Variants in TASOR2 observed in about 807,000 individuals in gnomAD.
TASOR2 encodes protein TASOR 2.
In TASOR2, 84 loss-of-function variants were observed where a neutral mutation model predicts 199.5. The observed-to-expected ratio is 0.42, with a 90% confidence interval of 0.35 to 0.50. The LOEUF is 0.50. TASOR2 is among the 20% of genes least tolerant of loss of function. The pLI, the probability that TASOR2 is intolerant of heterozygous loss-of-function variation, is 0.02. For synonymous variants in TASOR2, 1,103 were observed against 1,046.6 expected (o/e 1.05, Z -1.04); for missense variants, 2,796 against 2,835.9 (o/e 0.99, Z 0.32).
In TASOR2 at chr10:5,741,027, C is replaced by T. The variant is rs145404728; in HGVS notation, c.2327+530C>T. Among the ~76,000 whole-genome samples the T allele has an allele frequency of 1.6e-3, 240 of 152,244 alleles. 4 individuals carry two copies. The East Asian group carries it at 0.026, about 17-fold the overall frequency. ...GTGTAGACTAACCTAGATTTGAACC[C>T]GGGTTCTTTCCCTTTCTTACCTCCT... is the stretch of plus-strand genomic sequence containing the variant. On this transcript the variant is annotated intron_variant, in intron 13 of 20. Transcript: ENST00000328090.
chr10:5,748,238 A>G lies in TASOR2; in HGVS notation c.4817A>G (p.Lys1606Arg), dbSNP rs762969413. 8.1e-6 allele frequency: 13 copies of G among 1,614,102 alleles called. No homozygotes were observed. In the Admixed American group the frequency reaches 1.3e-4, roughly 17 times the overall value. Residue 1606 changes from lysine (K) to arginine (R), a missense_variant, in exon 15 of 21, where the codon AAA (lysine) becomes AGA (arginine). Transcript: ENST00000328090. This position sits in a 1 kb window ranked among gnomAD's most constrained non-coding sequence, Gnocchi z 5.1. Reference sequence around the variant, plus strand: ...AGTGGTATAGTGAATGTGTCAGTAAAACAGCAGACTAGCCCTAAAAGCAGT... The same window carrying G: ...AGTGGTATAGTGAATGTGTCAGTAAGACAGCAGACTAGCCCTAAAAGCAGT...
At position 5,762,516 on chromosome 10, in the gene TASOR2, T is replaced by G. The variant is rs767581748; in HGVS notation, c.7175-16T>G. ...AATTATATTAACCAAAAGTTGTTTT[T>G]TTTTTTTTTTAACAGACAAGCCTAC... On this transcript the variant is annotated splice_polypyrimidine_tract_variant and intron_variant, in intron 19 of 20. Transcript: ENST00000328090. 6 of 603,324 alleles carry G rather than the reference T, an allele frequency of 9.9e-6. 1 individual carries two copies. The highest frequency in any genetic ancestry group is 3.5e-5 in the South Asian group (1 of 28,736). 37.4% of individuals were successfully genotyped at this position (603,324 alleles called of 1,614,324 possible). A position where few individuals can be genotyped will look rare whatever the true frequency, so the allele number is the denominator to read the frequency against.
rs189079362 is a variant in TASOR2, at chr10:5,742,276, G to A, written c.2507G>A (p.Arg836His). The A allele has an allele frequency of 2.9e-5, 47 of 1,614,206 alleles. No individual in the cohort carries two copies. In the Admixed American group the frequency reaches 5.0e-4, roughly 17 times the overall value. The stretch of plus-strand genomic sequence containing the variant: ...AGCACGTTAGAATCTTGTGAGCTCC[G>A]TGAAATTGAGGAGTCCCTTGGTTTG... Residue 836 changes from arginine to histidine, a missense_variant, in exon 14 of 21, where the codon CGT becomes CAT. Coordinates refer to ENST00000328090, the Ensembl canonical transcript of TASOR2. This position sits in a 1 kb window ranked among gnomAD's most constrained non-coding sequence, Gnocchi z 4.2.
intron 7 of TASOR2, among the ~76,000 whole-genome samples, 189 bp from the exon 9 acceptor site, chr10:5,724,241 C>A (rs1833743760): frequency 6.6e-6 from 1 of 152,048 alleles, no homozygotes; most frequent in Non-Finnish European, 1.5e-5. Context: ...TAAATAAGAG[C>A]ATTGTTTTAA....
intron 1 of TASOR2, among the ~76,000 whole-genome samples, chr10:5,693,703 A>G (rs1836779289): frequency 6.6e-6 from 1 of 152,244 alleles, no homozygotes; most frequent in African/African-American, 2.4e-5. Context: ...CTTTTTTCCA[A>G]AGTGGAAATA....
In TASOR2 at chr10:5,698,626, C is replaced by T. The variant is rs920341092; in HGVS notation, c.-288+13451C>T. Among the ~76,000 whole-genome samples, 3 of 152,080 alleles carry T rather than the reference C, an allele frequency of 2.0e-5. No homozygotes were observed. The highest frequency in any genetic ancestry group is 4.4e-5 in the Non-Finnish European group (3 of 68,004). ...CATTTTCTATGGCTGTTTTTATGCTCTACCGGTAGAGATGAGTAGTTGTGA... is the reference window on the plus strand; with the variant it reads ...CATTTTCTATGGCTGTTTTTATGCTTTACCGGTAGAGATGAGTAGTTGTGA... On this transcript the variant is annotated intron_variant, in intron 1 of 20. Coordinates refer to ENST00000328090, the Ensembl canonical transcript of TASOR2. This position sits in a 1 kb window ranked among gnomAD's most constrained non-coding sequence, Gnocchi z 4.4.
At chr10:5,744,528 C>T (rs188712757) in intron 14 of TASOR2, among the ~76,000 whole-genome samples, 1 of 151,818 alleles carries the variant, frequency 6.6e-6, no homozygotes, top group Non-Finnish European at 1.5e-5. Flanking sequence ...GTCTATAACT[C>T]CTAACCTTAG....
rs762342715 is a variant in TASOR2, at chr10:5,748,655, T to C, written c.5234T>C (p.Leu1745Ser). The change falls in exon 15 of 21, where the codon TTG becomes TCG. Residue 1745 changes from leucine to serine, a missense_variant. By Grantham distance (145) the Leu-to-Ser change is moderately radical. Transcript: ENST00000328090. This position sits in a 1 kb window ranked among gnomAD's most constrained non-coding sequence, Gnocchi z 5.1. ...TCAACATGTGAAACAAAGGAGCTATTGAATGTCGGGGTTTCCTCCCTTTGT... is the reference window on the plus strand; with the variant it reads ...TCAACATGTGAAACAAAGGAGCTATCGAATGTCGGGGTTTCCTCCCTTTGT... 26 of 1,614,120 alleles carry C rather than the reference T, an allele frequency of 1.6e-5. No individual in the cohort carries two copies. The highest frequency in any genetic ancestry group is 2.2e-5 in the Non-Finnish European group (26 of 1,180,056).
At chr10:5,715,835 G>T (rs1832558117) in intron 2 of TASOR2, among the ~76,000 whole-genome samples, 1 of 152,134 alleles carries the variant, frequency 6.6e-6, no homozygotes, top group Admixed American at 6.5e-5. Flanking sequence ...TAGCGACTGG[G>T]TTTCACCATG....
At position 5,752,243 on chromosome 10, in the gene TASOR2, T is replaced by C. The variant is rs1392980812; in HGVS notation, c.6606+2216T>C. On this transcript the variant is annotated intron_variant, in intron 15 of 20. Coordinates refer to ENST00000328090, the Ensembl canonical transcript of TASOR2. This position sits in a 1 kb window ranked among gnomAD's most constrained non-coding sequence, Gnocchi z 4.4. ...TCTAATGGGACAAGGAAAACACTGA[T>C]TAAAAGAGTCACACAAATAAATGTG... Among the ~76,000 whole-genome samples, 1 of 152,110 alleles carries C rather than the reference T, an allele frequency of 6.6e-6. No individual in the cohort carries two copies. The highest frequency in any genetic ancestry group is 1.5e-5 in the Non-Finnish European group (1 of 68,018).
At chr10:5,707,591 A>G (rs1310618773) in intron 1 of TASOR2, among the ~76,000 whole-genome samples, 2 of 152,090 alleles carry the variant, frequency 1.3e-5, no homozygotes, top group Non-Finnish European at 2.9e-5. Context: ...CCTAAAACAA[A>G]CACTATTCAA....
intron 1 of TASOR2, among the ~76,000 whole-genome samples, chr10:5,704,121 G>A (rs974398541): frequency 1.4e-4 from 21 of 151,764 alleles, no homozygotes; most frequent in African/African-American, 5.1e-4. Flanking sequence ...TTACTCGGGA[G>A]GCTGAGGCAG....
Position 5,750,997 on chromosome 10 carries a change from T to C in TASOR2, c.6606+970T>C, listed in dbSNP as rs1837958225. Among the ~76,000 whole-genome samples, 1 of 152,252 alleles carries C rather than the reference T, an allele frequency of 6.6e-6. No homozygotes were observed. Among genetic ancestry groups the C allele is most frequent in the Non-Finnish European group, 1.5e-5 (1 of 68,042 alleles). ...AGGCCAGTTATTTGGTGGAATTTCC[T>C]TCCGTTTGTGTTCATGTGTTGTTTC... On this transcript the variant is annotated intron_variant, in intron 15 of 20. Transcript: ENST00000328090. This position sits in a 1 kb window ranked among gnomAD's most constrained non-coding sequence, Gnocchi z 5.4.
chr10:5,755,201 G>A (rs1402467705), intron 15 of TASOR2, among the ~76,000 whole-genome samples: 3 of 152,092 alleles, frequency 2.0e-5, no homozygotes, highest in East Asian at 1.9e-4. Context: ...TAAGCTCTTC[G>A]TTAAATCTCA....
Position 5,733,305 on chromosome 10 carries a change from C to T in TASOR2, c.1205-1999C>T, listed in dbSNP as rs941500349. Among the ~76,000 whole-genome samples, 5 of 152,072 alleles carry T rather than the reference C, an allele frequency of 3.3e-5. No homozygotes were observed. In the South Asian group the frequency reaches 6.2e-4, roughly 19 times the overall value. On this transcript the variant is annotated intron_variant, in intron 11 of 20. Transcript: ENST00000328090. ...GGTGGATCACTTGAGGCCAGGAGTT[C>T]GAGACCTGCCTGGCCAACATGGTGA...
chr10:5,747,633 T>G, exon 15 of TASOR2: 3 of 1,614,216 alleles, frequency 1.9e-6, no homozygotes, highest in South Asian at 1.1e-5. Flanking sequence ...CAGCGTCTAG[T>G]CCTGAACCTC....
At chr10:5,744,502 C>T (rs1464372789) in intron 14 of TASOR2, among the ~76,000 whole-genome samples, 3 of 152,006 alleles carry the variant, frequency 2.0e-5, no homozygotes, top group Non-Finnish European at 4.4e-5. Context: ...AGGGTTTCAC[C>T]ATGTTGGCCA....
intron 1 of TASOR2, among the ~76,000 whole-genome samples, chr10:5,704,679 AATTGACCGTAGCTT>A (rs1248379055): frequency 6.6e-5 from 10 of 152,054 alleles, no homozygotes; most frequent in Non-Finnish European, 1.3e-4. Flanking sequence ...TGAGTTCTTG[AATTGACCGTAGCTT>A]ATTGATTCTT....
rs780409444 is a variant in TASOR2, at chr10:5,720,573, C to A, written c.-70C>A. On this transcript the variant is annotated 5_prime_UTR_variant, in exon 4 of 21. Transcript: ENST00000328090. This position sits in a 1 kb window ranked among gnomAD's most constrained non-coding sequence, Gnocchi z 5.3. The stretch of plus-strand genomic sequence containing the variant: ...ACTTTTACGAACTTTCAGGCAACAC[C>A]GTTATTGAACGACCCAGACAGATCT... The A allele has an allele frequency of 6.3e-5, 101 of 1,605,554 alleles. 1 individual carries two copies. The highest frequency in any genetic ancestry group is 1.7e-4 in the Admixed American group (10 of 58,388).
Sources: gnomAD v4.1 joint callset for allele counts (sites outside exome capture counted in the v4.1 genomes callset) on GRCh38, gnomAD v4.1.1 for gene constraint, Gnocchi (gnomAD v3.1) non-coding constraint, MANE v1.5 for transcripts, NCBI Gene and HGNC (gene_info 2026-07-23, HGNC 2026-07-21) for gene names.